BMP6: variants seen among roughly 807,000 people sequenced by gnomAD.
BMP6 encodes the protein VG-1-R.
Under a neutral mutation model 54.1 loss-of-function variants are expected in BMP6, and 17 were observed. That is an observed-to-expected ratio of 0.31 (90% confidence interval 0.22 to 0.47). The LOEUF (loss-of-function observed/expected upper bound fraction) is 0.47, where lower values mean the gene tolerates loss of function less well. Ranked by LOEUF, BMP6 falls within the 20% of genes least tolerant of loss-of-function variation. The probability of loss-of-function intolerance (pLI) is 1.00; values close to 1 mark genes in which losing one functional copy is unlikely to be tolerated. For synonymous variants in BMP6, 328 were observed against 291.2 expected, an observed-to-expected ratio of 1.13 and a Z score of -1.28; for missense variants, 720 against 690.4, an observed-to-expected ratio of 1.04 and a Z score of -0.48.
At chr6:7,870,215 C>T (rs1211083378) in intron 4 of BMP6, among the ~76,000 whole-genome samples, 1 of 152,198 alleles carries the variant, frequency 6.6e-6, no homozygotes, top group African/African-American at 2.4e-5. Context: ...ATTTCAGAGC[C>T]ATGGCTGGAC....
At chr6:7,728,274 C>T (rs1487481046) in intron 1 of BMP6, among the ~76,000 whole-genome samples, 1 of 152,216 alleles carries the variant, frequency 6.6e-6, no homozygotes, top group Non-Finnish European at 1.5e-5. Context: ...CTGGGGTAAT[C>T]CATCCTGTGC....
intron 1 of BMP6, among the ~76,000 whole-genome samples, chr6:7,820,616 C>G (rs13212373): frequency 1.6e-4 from 25 of 152,020 alleles, no homozygotes; most frequent in Admixed American, 1.6e-3. Flanking sequence ...GAACTAGAGC[C>G]TGGCCCAGCT....
intron 1 of BMP6, among the ~76,000 whole-genome samples, chr6:7,816,818 A>G (rs1758535199): frequency 6.6e-6 from 1 of 152,172 alleles, no homozygotes; most frequent in African/African-American, 2.4e-5. Flanking sequence ...AAAAAACACT[A>G]TGACATTAGG....
chr6:7,865,251 ATC>A (rs1457843921), intron 4 of BMP6, among the ~76,000 whole-genome samples: 1 of 152,128 alleles, frequency 6.6e-6, no homozygotes, highest in Admixed American at 6.5e-5. Context: ...AGGTGCAAAT[ATC>A]TCTGTTTTTC....
chr6:7,804,669 CA>C (rs1197704603), intron 1 of BMP6, among the ~76,000 whole-genome samples: 3 of 152,138 alleles, frequency 2.0e-5, no homozygotes, highest in Non-Finnish European at 4.4e-5. Context: ...TTTTACGTGC[CA>C]GTCACAGTGC....
chr6:7,876,223 G>A (rs1759613060), intron 4 of BMP6, among the ~76,000 whole-genome samples: 2 of 152,084 alleles, frequency 1.3e-5, no homozygotes, highest in African/African-American at 4.8e-5. Flanking sequence ...GTGTATTTTT[G>A]TTAAGTTTGC....
At chr6:7,798,209 C>T (rs1561775162) in intron 1 of BMP6, among the ~76,000 whole-genome samples, 2 of 152,210 alleles carry the variant, frequency 1.3e-5, no homozygotes, top group Admixed American at 6.5e-5. Context: ...GTCCATTAGG[C>T]TTCTTGTATT....
At chr6:7,740,658 G>A (rs1299925412) in intron 1 of BMP6, among the ~76,000 whole-genome samples, 1 of 152,142 alleles carries the variant, frequency 6.6e-6, no homozygotes, top group Non-Finnish European at 1.5e-5. Flanking sequence ...GGGGATTTGG[G>A]TGTGGGAATC....
intron 1 of BMP6, among the ~76,000 whole-genome samples, chr6:7,828,889 G>C (rs1206454890): frequency 6.6e-6 from 1 of 152,212 alleles, no homozygotes; most frequent in Non-Finnish European, 1.5e-5. Context: ...AGGCCAGCCT[G>C]GGCCCATCAC....
Position 7,793,556 on chromosome 6 carries a change from G to A in BMP6, c.665-51584G>A, listed in dbSNP as rs757563766. 3.9e-5 allele frequency among the ~76,000 whole-genome samples: 6 copies of A among 152,066 alleles called. No homozygotes were observed. The East Asian group carries it at 9.7e-4, about 25-fold the overall frequency. Reference sequence around the variant, plus strand: ...AATGATGTGTCCGTGTAGGTCCACCGATGATAACTAATGTACCACTTTGGT... The same window carrying A: ...AATGATGTGTCCGTGTAGGTCCACCAATGATAACTAATGTACCACTTTGGT... On this transcript the variant is annotated intron_variant, in intron 1 of 6. Transcript: ENST00000283147.
intron 1 of BMP6, among the ~76,000 whole-genome samples, chr6:7,794,347 A>G (rs1280336943): frequency 2.6e-5 from 4 of 152,288 alleles, no homozygotes; most frequent in Admixed American, 1.3e-4. Context: ...GGGTAACAAC[A>G]AGAATGTACA....
At chr6:7,794,230 T>G (rs1329871268) in intron 1 of BMP6, among the ~76,000 whole-genome samples, 1 of 152,194 alleles carries the variant, frequency 6.6e-6, no homozygotes, top group Non-Finnish European at 1.5e-5. Context: ...TCTTGAAACT[T>G]GAAAGCCAAA....
chr6:7,826,875 G>C lies in BMP6; in HGVS notation c.665-18265G>C, dbSNP rs561574815. Among the ~76,000 whole-genome samples the C allele has an allele frequency of 2.0e-5, 3 of 152,196 alleles. No homozygotes were observed. In the South Asian group the frequency reaches 6.2e-4, roughly 32 times the overall value. ...GATATATGCTTCCTGTCTTTTGTAG[G>C]GGGAGGTGCTCTTTGGCATCTCCAG... On this transcript the variant is annotated intron_variant, in intron 1 of 6. Coordinates refer to ENST00000283147, the MANE Select transcript of BMP6 (RefSeq NM_001718.6).
At chr6:7,747,998 C>T (rs1757371477) in intron 1 of BMP6, among the ~76,000 whole-genome samples, 1 of 152,156 alleles carries the variant, frequency 6.6e-6, no homozygotes, top group Non-Finnish European at 1.5e-5. Context: ...TTGTTCTGAG[C>T]TGCTCAGTTT....
intron 4 of BMP6, among the ~76,000 whole-genome samples, chr6:7,874,930 T>TAG (rs1759585192): frequency 6.6e-6 from 1 of 151,574 alleles, no homozygotes; most frequent in Non-Finnish European, 1.5e-5. Context: ...TATATGGAGA[T>TAG]ATATATATAT....
At chr6:7,813,108 AATATATATATATATATATATATAT>A (rs1182296124) in intron 1 of BMP6, among the ~76,000 whole-genome samples, 1 of 21,484 alleles carries the variant, frequency 4.7e-5, no homozygotes, top group Admixed American at 1.1e-3. Flanking sequence ...AAAAAAAAAA[AATATATATATATATATATATATAT>A]ATATATATAT....
intron 1 of BMP6, among the ~76,000 whole-genome samples, chr6:7,772,064 C>A (rs1329695115): frequency 2.0e-5 from 3 of 147,872 alleles, no homozygotes; most frequent in Non-Finnish European, 3.0e-5. Flanking sequence ...AAAAAAAAAC[C>A]AAAAAAACAA....
Position 7,880,112 on chromosome 6 carries a change from G to C in BMP6, c.1392+11G>C. 1.9e-6 allele frequency: 3 copies of C among 1,614,080 alleles called. No homozygotes were observed. Among genetic ancestry groups the C allele is most frequent in the Non-Finnish European group, 2.5e-6 (3 of 1,179,964 alleles). On this transcript the variant is annotated intron_variant, in intron 6 of 6. Coordinates refer to ENST00000283147, the MANE Select transcript of BMP6 (RefSeq NM_001718.6). ...ATTGTGCAGACCTTGGTGAGCTCTC[G>C]GAGACTTTGTTTTGTAAGTGGGAGT... is the stretch of plus-strand genomic sequence containing the variant.
intron 2 of BMP6, among the ~76,000 whole-genome samples, chr6:7,846,303 T>A (rs1270292616): frequency 6.6e-6 from 1 of 152,238 alleles, no homozygotes; most frequent in East Asian, 1.9e-4. Flanking sequence ...TTCCCACTTT[T>A]GGTCTTGTGA....
Sources: allele counts gnomAD v4.1 joint callset (sites outside exome capture counted in the v4.1 genomes callset), GRCh38; gene constraint gnomAD v4.1.1; transcripts MANE v1.5; gene names NCBI Gene and HGNC (gene_info 2026-07-23, HGNC 2026-07-21).